The following SUGCT variants were observed in gnomAD, a reference collection of about 807,000 sequenced individuals.
SUGCT encodes the protein succinyl-CoA:glutarate-CoA transferase.
In SUGCT, 41 loss-of-function variants were observed where a neutral mutation model predicts 55.0. The ratio of observed to expected loss-of-function variants is 0.74; its 90% CI spans 0.58 to 0.97. The LOEUF is 0.97. SUGCT is among the 50% of genes least tolerant of loss of function. The probability of loss-of-function intolerance (pLI) is 0.00; values close to 1 mark genes in which losing one functional copy is unlikely to be tolerated. For synonymous variants in SUGCT, 187 were observed against 200.4 expected (o/e 0.93, Z 0.56); for missense variants, 568 against 547.8 (o/e 1.04, Z -0.37).
chr7:40,140,599 C>A (rs1322271986), intron 1 of SUGCT, among the ~76,000 whole-genome samples: 1 of 151,980 alleles, frequency 6.6e-6, no homozygotes, highest in Non-Finnish European at 1.5e-5. Flanking sequence ...CGGAGTTTCA[C>A]CATGTTGGTA....
At chr7:40,927,946 G>C in the SUGCT span, among the ~76,000 whole-genome samples, 1 of 151,974 alleles carries the variant, frequency 6.6e-6, no homozygotes, top group Admixed American at 6.5e-5. Flanking sequence ...ATTTTTCCTT[G>C]GCATTTAAAA....
chr7:40,557,252 C>T (rs1795601408), intron 12 of SUGCT, among the ~76,000 whole-genome samples: 1 of 152,138 alleles, frequency 6.6e-6, no homozygotes, highest in Non-Finnish European at 1.5e-5. Context: ...AAAGGAAACT[C>T]TTTTTCCCAA....
chr7:40,141,134 G>C (rs774797902), intron 1 of SUGCT, among the ~76,000 whole-genome samples: 1 of 150,066 alleles, frequency 6.7e-6, no homozygotes, highest in South Asian at 2.1e-4. Flanking sequence ...TCTTGGTTTC[G>C]TCCTCGGGTA....
chr7:40,384,676 TG>T (rs1396535137), intron 9 of SUGCT, among the ~76,000 whole-genome samples: 1 of 152,076 alleles, frequency 6.6e-6, no homozygotes, highest in African/African-American at 2.4e-5. Flanking sequence ...CCCAAGCAGC[TG>T]GGATTACAGG....
intron 9 of SUGCT, among the ~76,000 whole-genome samples, chr7:40,449,005 T>C (rs1197696924): frequency 1.3e-5 from 2 of 151,420 alleles, no homozygotes; most frequent in Non-Finnish European, 2.9e-5. Context: ...GAGAGAGATC[T>C]ATTCTGTGAT....
In SUGCT at chr7:40,663,989, T is replaced by C. The variant is rs989823819; in HGVS notation, c.1090-85445T>C. ...GTCACTGGGGGGAGGGCCTAATCCA[T>C]GTGACTATTGTCCTTATAAAAAGGG... is the stretch of plus-strand genomic sequence containing the variant. On this transcript the variant is annotated intron_variant, in intron 12 of 13. Coordinates refer to ENST00000335693, the MANE Select transcript of SUGCT (RefSeq NM_001193313.2). 7.9e-5 allele frequency among the ~76,000 whole-genome samples: 12 copies of C among 152,214 alleles called. No homozygotes were observed. In the South Asian group the frequency reaches 2.1e-3, roughly 26 times the overall value.
chr7:41,010,852 A>G, the SUGCT span, among the ~76,000 whole-genome samples: 2 of 152,342 alleles, frequency 1.3e-5, no homozygotes, highest in South Asian at 4.1e-4. Context: ...CATGGGATAA[A>G]TGTATTAAAT....
At chr7:40,633,489 T>C (rs1361104063) in intron 12 of SUGCT, among the ~76,000 whole-genome samples, 5 of 152,216 alleles carry the variant, frequency 3.3e-5, no homozygotes, top group Non-Finnish European at 4.4e-5. Flanking sequence ...AGACAAGTAT[T>C]TATATGAAGT....
chr7:40,899,276 G>C, the SUGCT span, among the ~76,000 whole-genome samples: 1 of 152,072 alleles, frequency 6.6e-6, no homozygotes, highest in Non-Finnish European at 1.5e-5. Context: ...GGTTCTCTGC[G>C]TATCTGACTC....
intron 1 of SUGCT, among the ~76,000 whole-genome samples, chr7:40,172,474 C>G (rs1784723426): frequency 6.6e-6 from 1 of 152,096 alleles, no homozygotes; most frequent in Admixed American, 6.5e-5. Context: ...ACAAGCTTCT[C>G]TAATACTTGG....
chr7:40,406,017 G>C (rs891447056), intron 9 of SUGCT, among the ~76,000 whole-genome samples: 1 of 152,088 alleles, frequency 6.6e-6, no homozygotes, highest in African/African-American at 2.4e-5. Context: ...GGAGACAGGA[G>C]TTTTATCATT....
rs377215730 is a variant in SUGCT at position 40,324,261 on chromosome 7, A to ATATATATATATATATATATATATATATT, written c.816+7409_816+7410insATATATATATATATATATATATATTTAT. On this transcript the variant is annotated intron_variant, in intron 9 of 13. Transcript: ENST00000335693. ...AATAAATAAATAAATAAATATATAT[A>ATATATATATATATATATATATATATATT]TATTTATTTTTTGAGACAGAGTCTT... Among the ~76,000 whole-genome samples, 239 of 99,680 alleles carry ATATATATATATATATATATATATATATT rather than the reference A, an allele frequency of 2.4e-3. 1 individual carries two copies. Among genetic ancestry groups the ATATATATATATATATATATATATATATT allele is most frequent in the African/African-American group, 5.5e-3 (138 of 24,988 alleles). 65.4% of individuals were successfully genotyped at this position (99,680 alleles called of 152,430 possible). A position where few individuals can be genotyped will look rare whatever the true frequency, so the allele number is the denominator to read the frequency against.
chr7:41,025,167 T>C, the SUGCT span, among the ~76,000 whole-genome samples: 1 of 152,160 alleles, frequency 6.6e-6, no homozygotes, highest in African/African-American at 2.4e-5. Flanking sequence ...AAGATTTTGG[T>C]TAATTCTGTG....
At chr7:40,601,749 T>C (rs1319537506) in intron 12 of SUGCT, among the ~76,000 whole-genome samples, 1 of 152,112 alleles carries the variant, frequency 6.6e-6, no homozygotes, top group Non-Finnish European at 1.5e-5. Flanking sequence ...TTTTTTTTTT[T>C]TTTCTCATCA....
At chr7:40,525,290 A>T (rs1194366795) in intron 12 of SUGCT, among the ~76,000 whole-genome samples, 1 of 152,192 alleles carries the variant, frequency 6.6e-6, no homozygotes, top group African/African-American at 2.4e-5. Context: ...TAAGATAGTG[A>T]ATATAGAACT....
the SUGCT span, among the ~76,000 whole-genome samples, chr7:40,936,970 A>C: frequency 6.6e-6 from 1 of 151,972 alleles, no homozygotes; most frequent in African/African-American, 2.4e-5. Context: ...AATTCTTTGT[A>C]TGATTTGAAT....
intron 1 of SUGCT, among the ~76,000 whole-genome samples, chr7:40,149,717 C>T (rs1021962715): frequency 6.6e-5 from 10 of 151,894 alleles, no homozygotes; most frequent in African/African-American, 2.4e-4. Flanking sequence ...CAGGAGTTCA[C>T]GACCAGCCTG....
At chr7:40,357,699 TTC>T (rs1234719756) in intron 9 of SUGCT, among the ~76,000 whole-genome samples, 1 of 152,236 alleles carries the variant, frequency 6.6e-6, no homozygotes, top group African/African-American at 2.4e-5. Context: ...TGAGATATTT[TTC>T]TTTTGATTTT....
chr7:40,929,642 G>A, the SUGCT span, among the ~76,000 whole-genome samples: 1 of 152,104 alleles, frequency 6.6e-6, no homozygotes, highest in Non-Finnish European at 1.5e-5. Flanking sequence ...ATCTCACTGT[G>A]GTTCTGATTT....
Sources: gnomAD v4.1 joint callset for allele counts (sites outside exome capture counted in the v4.1 genomes callset) on GRCh38, gnomAD v4.1.1 for gene constraint, MANE v1.5 for transcripts, NCBI Gene and HGNC (gene_info 2026-07-23, HGNC 2026-07-21) for gene names.